The following WDR7 variants were observed in gnomAD, a reference collection of about 807,000 sequenced individuals.
WDR7 encodes WD repeat-containing protein 7.
A neutral mutation model predicts 169.4 loss-of-function variants in WDR7; 46 were observed. The ratio of observed to expected loss-of-function variants is 0.27; its 90% confidence interval spans 0.21 to 0.35. The LOEUF (loss-of-function observed/expected upper bound fraction) is 0.35, where lower values mean the gene tolerates loss of function less well. WDR7 is among the 10% of genes least tolerant of loss of function. The pLI is 1.00. For synonymous variants in WDR7, 612 were observed against 666.8 expected, an observed-to-expected ratio of 0.92 and a Z score of 1.27; for missense variants, 1,534 against 1,859.3, an observed-to-expected ratio of 0.83 and a Z score of 3.22.
At chr18:56,709,507 G>A (rs2026036789) in intron 12 of WDR7, among the ~76,000 whole-genome samples, 2 of 151,842 alleles carry the variant, frequency 1.3e-5, no homozygotes, top group South Asian at 2.1e-4. Flanking sequence ...TTTATATTTC[G>A]TGTTATTCAC....
intron 21 of WDR7, among the ~76,000 whole-genome samples, chr18:56,897,349 C>T (rs1309899167): frequency 6.6e-6 from 1 of 151,610 alleles, no homozygotes; most frequent in African/African-American, 2.4e-5. Flanking sequence ...TTTGAAATAA[C>T]AAAAATTGGA....
intron 14 of WDR7, among the ~76,000 whole-genome samples, chr18:56,750,990 G>A (rs764928149): frequency 6.6e-6 from 1 of 151,984 alleles, no homozygotes; most frequent in Admixed American, 6.6e-5. Flanking sequence ...GGACTTGGAG[G>A]TTACTCATTT....
At chr18:56,674,461 T>C (rs1289358957) in intron 2 of WDR7, among the ~76,000 whole-genome samples, 1 of 152,230 alleles carries the variant, frequency 6.6e-6, no homozygotes, top group Admixed American at 6.5e-5. Flanking sequence ...TCAGAGTCTT[T>C]GCCCATTAAA....
chr18:56,906,199 G>A (rs141936698), intron 21 of WDR7, among the ~76,000 whole-genome samples: 1 of 152,196 alleles, frequency 6.6e-6, no homozygotes, highest in East Asian at 1.9e-4. Flanking sequence ...AACTACAAAG[G>A]CTAGAAAACA....
intron 22 of WDR7, among the ~76,000 whole-genome samples, chr18:56,926,895 A>G (rs956941850): frequency 2.0e-5 from 3 of 152,164 alleles, no homozygotes; most frequent in Non-Finnish European, 4.4e-5. Context: ...TGGAGCAGCA[A>G]TGTGTGCAGA....
intron 14 of WDR7, among the ~76,000 whole-genome samples, chr18:56,733,235 G>C (rs2026626368): frequency 6.6e-6 from 1 of 152,126 alleles, no homozygotes; most frequent in African/African-American, 2.4e-5. Flanking sequence ...TAGAAGGGAG[G>C]AAAAAGGCTT....
intron 20 of WDR7, among the ~76,000 whole-genome samples, chr18:56,878,326 T>A (rs1391009625): frequency 6.6e-6 from 1 of 152,236 alleles, no homozygotes; most frequent in Non-Finnish European, 1.5e-5. Context: ...GATGAAATAA[T>A]CATCCTTCTC....
chr18:56,655,856 C>G (rs1463588108), intron 1 of WDR7, among the ~76,000 whole-genome samples: 1 of 152,240 alleles, frequency 6.6e-6, no homozygotes, highest in African/African-American at 2.4e-5. Context: ...TGAGACAGTT[C>G]TTGAGATTCA....
chr18:57,027,270 T>C lies in WDR7; in HGVS notation c.*63T>C, dbSNP rs1339595522. 15 of 1,532,352 alleles carry C rather than the reference T, an allele frequency of 9.8e-6. No homozygotes were observed. Among genetic ancestry groups the C allele is most frequent in the Non-Finnish European group, 1.2e-5 (14 of 1,140,410 alleles). 94.9% of individuals were successfully genotyped at this position (1,532,352 alleles called of 1,614,324 possible). A position where few individuals can be genotyped will look rare whatever the true frequency, so the allele number is the denominator to read the frequency against. ...TAAATTATCCAAGCCGATGTTGCTC[T>C]GTCCTTCCTCACACCAGATTGTTCC... On this transcript the variant is annotated 3_prime_UTR_variant, in exon 28 of 28. Coordinates refer to ENST00000254442, the MANE Select transcript of WDR7 (RefSeq NM_015285.3).
intron 13 of WDR7, among the ~76,000 whole-genome samples, chr18:56,726,149 C>G (rs2026448615): frequency 6.6e-6 from 1 of 151,992 alleles, no homozygotes; most frequent in African/African-American, 2.4e-5. Flanking sequence ...TTTTTTGGTT[C>G]CATATGAACT....
Position 56,816,107 on chromosome 18 carries a change from G to T in WDR7, c.3267G>T (p.Glu1089Asp), listed in dbSNP as rs1445184402. 1 of 1,613,878 alleles carries T rather than the reference G, an allele frequency of 6.2e-7. No individual in the cohort carries two copies. Among genetic ancestry groups the T allele is most frequent in the Non-Finnish European group, 8.5e-7 (1 of 1,179,922 alleles). ...DASGPEAKVQ[E>D]EEHDLVDDDI... ...CAGGGCCTGAAGCAAAAGTCCAGGA[G>T]GAAGAGCATGACCTTGTTGACGATG... Residue 1089 changes from glutamate (E) to aspartate (D), a missense_variant, in exon 20 of 28, where the codon GAG (glutamate) becomes GAT (aspartate). Transcript: ENST00000254442.
intron 19 of WDR7, among the ~76,000 whole-genome samples, chr18:56,795,594 A>G (rs1415483750): frequency 6.6e-6 from 1 of 152,132 alleles, no homozygotes; most frequent in African/African-American, 2.4e-5. Flanking sequence ...CACAATACAC[A>G]CACAACAGTT....
At chr18:56,962,173 T>C (rs937224561) in intron 25 of WDR7, among the ~76,000 whole-genome samples, 6 of 151,712 alleles carry the variant, frequency 4.0e-5, no homozygotes, top group African/African-American at 1.5e-4. Flanking sequence ...TGCTTGTGAT[T>C]GTAAGTTGTT....
chr18:56,913,385 C>A (rs1448643451), intron 21 of WDR7, among the ~76,000 whole-genome samples: 1 of 152,136 alleles, frequency 6.6e-6, no homozygotes, highest in Non-Finnish European at 1.5e-5. Flanking sequence ...CACCATTCAC[C>A]TAATTGTTTA....
intron 13 of WDR7, among the ~76,000 whole-genome samples, chr18:56,727,170 A>G (rs1000489713): frequency 5.9e-5 from 9 of 152,220 alleles, no homozygotes; most frequent in Admixed American, 2.6e-4. Flanking sequence ...AAATCCTTAC[A>G]TCTATTTTTT....
intron 26 of WDR7, among the ~76,000 whole-genome samples, chr18:56,991,842 G>T (rs1037785202): frequency 1.3e-5 from 2 of 152,206 alleles, no homozygotes; most frequent in Non-Finnish European, 2.9e-5. Flanking sequence ...GAGATGATCT[G>T]TATCTGTCAG....
In WDR7 at chr18:56,880,056, T is replaced by G; in HGVS notation, c.3417T>G (p.Ala1139=). ...LLGVIGAEFG[A]EIEPPKLLTR... is the part of the protein sequence containing the mutation. ...GAGTAATAGGAGCTGAATTTGGTGC[T>G]GAAATTGAACCTCCTAAACTATTGA... The change falls in exon 21 of 28, where the codon GCT becomes GCG. Residue 1139 remains alanine (A), a synonymous_variant. Transcript: ENST00000254442. 1.2e-6 allele frequency: 2 copies of G among 1,614,108 alleles called. No individual in the cohort carries two copies.
intron 26 of WDR7, chr18:57,010,157 T>TA (rs1464191081): frequency 1.9e-5 from 19 of 985,464 alleles, no homozygotes; most frequent in Non-Finnish European, 1.8e-5. Context: ...TAGCACAGTA[T>TA]AAGACTTCTA....
chr18:56,850,887 A>G (rs981422811), intron 20 of WDR7, among the ~76,000 whole-genome samples: 1 of 151,978 alleles, frequency 6.6e-6, no homozygotes, highest in Non-Finnish European at 1.5e-5. Context: ...ACCACCATTC[A>G]CTGTTTATTC....
Sources: gnomAD v4.1 joint callset for allele counts (sites outside exome capture counted in the v4.1 genomes callset) on GRCh38, gnomAD v4.1.1 for gene constraint, MANE v1.5 for transcripts, NCBI Gene and HGNC (gene_info 2026-07-23, HGNC 2026-07-21) for gene names.